The following IGFN1 variants were observed in gnomAD, a reference collection of about 807,000 sequenced individuals.
IGFN1 encodes the protein immunoglobulin-like and fibronectin type III domain-containing protein 1.
Under a neutral mutation model 289.5 loss-of-function variants are expected in IGFN1, and 253 were observed. The ratio of observed to expected loss-of-function variants is 0.87; its 90% CI spans 0.79 to 0.97. The LOEUF is 0.97. Ranked by LOEUF, IGFN1 falls within the 50% of genes least tolerant of loss-of-function variation. IGFN1 has a pLI of 0.00. For missense variants in IGFN1, 4,470 were observed against 4,686.1 expected, an observed-to-expected ratio of 0.95 and a Z score of 1.35; for synonymous variants, 1,706 against 1,788.5, an observed-to-expected ratio of 0.95 and a Z score of 1.16.
Position 201,208,308 on chromosome 1 carries a change from G to A in IGFN1, c.3415G>A (p.Gly1139Arg). 6.6e-7 allele frequency: 1 copy of A among 1,524,242 alleles called. No individual in the cohort carries two copies. The highest frequency in any genetic ancestry group is 8.8e-7 in the Non-Finnish European group (1 of 1,142,774). 94.4% of individuals were successfully genotyped at this position (1,524,242 alleles called of 1,614,324 possible). A position where few individuals can be genotyped will look rare whatever the true frequency, so the allele number is the denominator to read the frequency against. The change falls in exon 12 of 24, where the codon GGA becomes AGA. Residue 1139 changes from glycine (G) to arginine (R), a missense_variant. By Grantham distance (125) the Gly-to-Arg change is moderately radical (BLOSUM62 -2). Coordinates refer to ENST00000335211, the MANE Select transcript of IGFN1 (RefSeq NM_001164586.2). ...AGAGGCCCTGGGGGCCTTTGGAGAA[G>A]GAGGCTATGAAGATGGCTCTGGGGG... ...ASEALGAFGE[G>R]GYEDGSGGPG... is the part of the protein sequence containing the mutation.
rs951582936 is a variant in IGFN1, at chr1:201,207,271, G to A, written c.2378G>A (p.Gly793Glu). The change falls in exon 12 of 24, where the codon GGA becomes GAA. Residue 793 changes from glycine to glutamate, a missense_variant. Gly to Glu is a moderately conservative substitution (Grantham distance 98). This residue lies in a region of IGFN1 where 2,011 missense variants were observed against 1,953.4 expected (regional missense o/e 1.03). Coordinates refer to ENST00000335211, the MANE Select transcript of IGFN1 (RefSeq NM_001164586.2). ...GAAGGTGTCCTACAGGAGCTCAGGG[G>A]AAGGGATGGCCAGGAAACAGCTTGG... The part of the protein sequence containing the change: ...GCEGVLQELR[G>E]RDGQETAWAS... The A allele has an allele frequency of 3.9e-6, 6 of 1,536,828 alleles. No homozygotes were observed. The highest frequency in any genetic ancestry group is 5.2e-6 in the Non-Finnish European group (6 of 1,146,898).
intron 17 of IGFN1, among the ~76,000 whole-genome samples, 178 bp downstream of exon 17, chr1:201,217,638 T>G (rs1005043530): frequency 6.6e-6 from 1 of 152,128 alleles, no homozygotes; most frequent in African/African-American, 2.4e-5. Flanking sequence ...AGGCATCTAG[T>G]GCAAAGAGGT....
chr1:201,199,414 G>A (rs1455184540), intron 6 of IGFN1, 36 bp downstream of exon 6: 3 of 1,542,968 alleles, frequency 1.9e-6, no homozygotes, highest in South Asian at 1.2e-5. Context: ...TTGGGGGCCT[G>A]TGGGGGATAG....
In IGFN1 at chr1:201,226,081, C is replaced by T; in HGVS notation, c.10744C>T (p.Pro3582Ser). 6.2e-7 allele frequency: 1 copy of T among 1,603,860 alleles called. No individual in the cohort carries two copies. Among genetic ancestry groups the T allele is most frequent in the Non-Finnish European group, 8.5e-7 (1 of 1,173,796 alleles). ...CAAGAATGAGCTGGGGGCCAGCAAACCCTCGGACACCAGCCAGCCCTGGTG... is the reference window on the plus strand; with the variant it reads ...CAAGAATGAGCTGGGGGCCAGCAAATCCTCGGACACCAGCCAGCCCTGGTG... ...VAKNELGASK[P>S]SDTSQPWCIP... Residue 3582 changes from proline (P) to serine (S), a missense_variant, in exon 22 of 24, where the codon CCC (proline) becomes TCC (serine). By Grantham distance (74) the Pro-to-Ser change is moderately conservative. This residue lies in a region of IGFN1 where 2,218 missense variants were observed against 2,114.1 expected (regional missense o/e 1.05). Transcript: ENST00000335211.
At position 201,201,943 on chromosome 1, in the gene IGFN1, C is replaced by T. The variant is rs930209711; in HGVS notation, c.747+111C>T. On this transcript the variant is annotated intron_variant, in intron 9 of 23. Transcript: ENST00000335211. ...CCTCCAAGGGAACAACCAGAGCACACAAGTGGTGAGCCCCTCATCCCATGG... is the reference window on the plus strand; with the variant it reads ...CCTCCAAGGGAACAACCAGAGCACATAAGTGGTGAGCCCCTCATCCCATGG... The T allele has an allele frequency of 7.2e-5, 47 of 654,508 alleles. No individual in the cohort carries two copies. The Admixed American group carries it at 1.0e-3, about 14-fold the overall frequency. The allele number at this position is 654,508 out of a possible 1,614,324, so 40.5% of individuals were successfully genotyped here.
intron 6 of IGFN1, 23 bp from the exon 7 acceptor site, chr1:201,199,586 C>G: frequency 4.5e-6 from 7 of 1,548,564 alleles, no homozygotes; most frequent in Non-Finnish European, 6.1e-6. Flanking sequence ...GGGACTGAGG[C>G]CTCATTCCTG....
chr1:201,200,297 A>T lies in IGFN1; in HGVS notation c.519A>T (p.Thr173=). The T allele has an allele frequency of 6.4e-7, 1 of 1,551,736 alleles. No homozygotes were observed. Among genetic ancestry groups the T allele is most frequent in the South Asian group, 1.2e-5 (1 of 84,064 alleles). Residue 173 remains threonine (T), a synonymous_variant, in exon 8 of 24, where the codon ACA becomes ACT. Coordinates refer to ENST00000335211, the MANE Select transcript of IGFN1 (RefSeq NM_001164586.2). The part of the protein sequence containing the change: ...DLEQIWQLLM[T]ADRKDYEKIC... The stretch of plus-strand genomic sequence containing the variant: ...AGCAGATATGGCAGCTGCTGATGAC[A>T]GCAGACAGGAAGGACTACGAGAAGA...
chr1:201,213,210 A>G lies in IGFN1; in HGVS notation c.8317A>G (p.Arg2773Gly). 1 of 1,551,662 alleles carries G rather than the reference A, an allele frequency of 6.4e-7. No individual in the cohort carries two copies. The highest frequency in any genetic ancestry group is 8.7e-7 in the Non-Finnish European group (1 of 1,146,948). ...AGGCAAGGGACAGAGAGGAGGAAAG[A>G]GGTCCCTCGGGGAGCAGGGGTCCCT... ...QRGKGQRGGK[R>G]SLGEQGSLEA... Residue 2773 changes from arginine (R) to glycine (G), a missense_variant, in exon 12 of 24, where the codon AGG (arginine) becomes GGG (glycine). Physicochemically the swap from Arg to Gly is moderately radical, Grantham distance 125. Around this residue, in one of 8 missense-constraint regions of IGFN1, gnomAD observed 2,218 missense variants for 2,114.1 expected, o/e 1.05. Coordinates refer to ENST00000335211, the MANE Select transcript of IGFN1 (RefSeq NM_001164586.2).
rs945177511 is a variant in IGFN1 at position 201,193,214 on chromosome 1, A to G, written c.-47-33A>G. 3 of 1,090,454 alleles carry G rather than the reference A, an allele frequency of 2.8e-6. No homozygotes were observed. In the African/African-American group the frequency reaches 4.6e-5, roughly 17 times the overall value. 67.5% of individuals were successfully genotyped at this position (1,090,454 alleles called of 1,614,324 possible). A position where few individuals can be genotyped will look rare whatever the true frequency, so the allele number is the denominator to read the frequency against. ...GAGGGGTGGGGTGAGACCAGCCTGGATTTCTCAAAAGCAATTCCATTTCTG... is the reference window on the plus strand; with the variant it reads ...GAGGGGTGGGGTGAGACCAGCCTGGGTTTCTCAAAAGCAATTCCATTTCTG... On this transcript the variant is annotated intron_variant, in intron 1 of 23. Transcript: ENST00000335211.
At position 201,209,155 on chromosome 1, in the gene IGFN1, G is replaced by A. The variant is rs1247908904; in HGVS notation, c.4262G>A (p.Gly1421Glu). 5.3e-6 allele frequency: 8 copies of A among 1,511,540 alleles called. No individual in the cohort carries two copies. The highest frequency in any genetic ancestry group is 7.0e-6 in the Non-Finnish European group (8 of 1,137,158). 93.6% of individuals were successfully genotyped at this position (1,511,540 alleles called of 1,614,324 possible). A position where few individuals can be genotyped will look rare whatever the true frequency, so the allele number is the denominator to read the frequency against. The stretch of plus-strand genomic sequence containing the variant: ...GGGATTGGAGGTTATGGGGAAATGG[G>A]GTCAGGTTATAGGGAGGATTTGGGG... Reference protein sequence around the residue: ...RNGIGGYGEMGSGYREDLGAP... With the variant: ...RNGIGGYGEMESGYREDLGAP... Residue 1421 changes from glycine to glutamate, a missense_variant, in exon 12 of 24, where the codon GGG becomes GAG. Around this residue, in one of 8 missense-constraint regions of IGFN1, gnomAD observed 2,011 missense variants for 1,953.4 expected, o/e 1.03. Coordinates refer to ENST00000335211, the MANE Select transcript of IGFN1 (RefSeq NM_001164586.2).
At position 201,209,491 on chromosome 1, in the gene IGFN1, A is replaced by G. The variant is rs1667607324; in HGVS notation, c.4598A>G (p.Asp1533Gly). Residue 1533 changes from aspartate (D) to glycine (G), a missense_variant, in exon 12 of 24, where the codon GAT (aspartate) becomes GGT (glycine). By Grantham distance (94) the Asp-to-Gly change is moderately conservative. Around this residue, in one of 8 missense-constraint regions of IGFN1, gnomAD observed 2,011 missense variants for 1,953.4 expected, o/e 1.03. Transcript: ENST00000335211. ...GSVDKAGYRK[D>G]LGASEAIGSG... ...GTGGATAAGGCAGGCTATAGGAAGG[A>G]TTTGGGGGCTTCTGAGGCAATAGGT... The G allele has an allele frequency of 1.3e-6, 2 of 1,536,722 alleles. No individual in the cohort carries two copies. Among genetic ancestry groups the G allele is most frequent in the Non-Finnish European group, 1.7e-6 (2 of 1,146,686 alleles).
At position 201,210,379 on chromosome 1, in the gene IGFN1, G is replaced by C; in HGVS notation, c.5486G>C (p.Gly1829Ala). ...RKDLGAPEGMGSGSKAGFRDG... is the reference protein window; with the variant it reads ...RKDLGAPEGMASGSKAGFRDG... ...GATTTGGGGGCTCCTGAGGGAATGG[G>C]TTCAGGGAGTAAGGCAGGTTTCAGG... Residue 1829 changes from glycine (G) to alanine (A), a missense_variant, in exon 12 of 24, where the codon GGT becomes GCT. Coordinates refer to ENST00000335211, the MANE Select transcript of IGFN1 (RefSeq NM_001164586.2). The C allele has an allele frequency of 2.3e-6, 3 of 1,300,680 alleles. 1 individual carries two copies. Among genetic ancestry groups the C allele is most frequent in the Non-Finnish European group, 2.0e-6 (2 of 981,574 alleles). The allele number at this position is 1,300,680 out of a possible 1,614,324, so 80.6% of individuals were successfully genotyped here.
Position 201,207,491 on chromosome 1 carries a change from G to A in IGFN1, c.2598G>A (p.Glu866=), listed in dbSNP as rs1667481957. The change falls in exon 12 of 24, where the codon GAG becomes GAA. Residue 866 remains glutamate, a synonymous_variant. Transcript: ENST00000335211. The stretch of plus-strand genomic sequence containing the variant: ...TGCTGGGGCCCAGTGGAGGACAAGA[G>A]GGTATGGGTGGTATCTGGGTGGCTG... ...PGVLGPSGGQ[E]GMGGIWVAGL... The A allele has an allele frequency of 1.3e-6, 2 of 1,534,270 alleles. No homozygotes were observed. The highest frequency in any genetic ancestry group is 1.2e-5 in the South Asian group (1 of 83,768).
intron 5 of IGFN1, among the ~76,000 whole-genome samples, chr1:201,198,675 C>T (rs1042239562): frequency 1.3e-5 from 2 of 152,134 alleles, no homozygotes; most frequent in South Asian, 2.1e-4. Context: ...TATCCTCCCC[C>T]CTCGGCCTCC....
At chr1:201,192,525 G>C (rs1371943833) in intron 1 of IGFN1, among the ~76,000 whole-genome samples, 2 of 152,198 alleles carry the variant, frequency 1.3e-5, no homozygotes, top group South Asian at 4.1e-4. Flanking sequence ...TGAGAGAATG[G>C]AAAATACTCC....
chr1:201,221,811 G>T (rs1343074236), intron 19 of IGFN1, 65 bp downstream of exon 19: 5 of 1,397,694 alleles, frequency 3.6e-6, no homozygotes, highest in Non-Finnish European at 9.7e-7. Context: ...GGGCCCCTGA[G>T]TAGCCGCAAT....
chr1:201,195,460 C>T (rs1248716994), intron 3 of IGFN1, among the ~76,000 whole-genome samples: 1 of 152,162 alleles, frequency 6.6e-6, no homozygotes, highest in Non-Finnish European at 1.5e-5. Flanking sequence ...CCGGAACTCA[C>T]AAAATCTCAT....
chr1:201,225,480 C>T (rs1265774245), intron 21 of IGFN1, among the ~76,000 whole-genome samples: 2 of 152,298 alleles, frequency 1.3e-5, no homozygotes, highest in East Asian at 3.9e-4. Flanking sequence ...GTAGTCCCAG[C>T]TACTTGGGAG....
intron 3 of IGFN1, among the ~76,000 whole-genome samples, chr1:201,194,805 C>T (rs1442611473): frequency 6.6e-6 from 1 of 152,230 alleles, no homozygotes; most frequent in Non-Finnish European, 1.5e-5. Context: ...CTTTCCCCAA[C>T]ACACACCCTG....
Sources: allele counts gnomAD v4.1 joint callset (sites outside exome capture counted in the v4.1 genomes callset), GRCh38; gene constraint gnomAD v4.1.1; regional missense constraint gnomAD v4.1.1; transcripts MANE v1.5; gene names NCBI Gene and HGNC (gene_info 2026-07-23, HGNC 2026-07-21).